The following FAT3 variants were observed in gnomAD, a reference collection of about 807,000 sequenced individuals.
FAT3 encodes the protein protocadherin Fat 3.
Under a neutral mutation model 310.2 loss-of-function variants are expected in FAT3, and 95 were observed. The observed-to-expected ratio is 0.31, with a 90% confidence interval of 0.26 to 0.36. FAT3 has a LOEUF of 0.36. FAT3 is among the 10% of genes least tolerant of loss of function. The pLI is 1.00. For synonymous variants in FAT3, 2,314 were observed against 2,192.9 expected, an observed-to-expected ratio of 1.06 and a Z score of -1.54; for missense variants, 5,408 against 5,715.6, an observed-to-expected ratio of 0.95 and a Z score of 1.74.
At chr11:92,677,783 A>G (rs1244458760) in intron 3 of FAT3, among the ~76,000 whole-genome samples, 1 of 152,192 alleles carries the variant, frequency 6.6e-6, no homozygotes, top group Non-Finnish European at 1.5e-5. Flanking sequence ...AAATAATTGG[A>G]CAAAACACAC....
chr11:92,602,612 T>C (rs1418781699), intron 3 of FAT3, among the ~76,000 whole-genome samples: 1 of 152,190 alleles, frequency 6.6e-6, no homozygotes, highest in Non-Finnish European at 1.5e-5. Flanking sequence ...GAAAGAATCT[T>C]TAGGGATACA....
intron 2 of FAT3, among the ~76,000 whole-genome samples, chr11:92,477,921 T>A (rs140937598): frequency 2.3e-4 from 35 of 152,274 alleles, no homozygotes; most frequent in African/African-American, 7.9e-4. Flanking sequence ...TAGGAAACTG[T>A]GTGCATGTTA....
intron 1 of FAT3, chr11:92,336,394 T>C (rs1037111892): frequency 5.8e-6 from 2 of 347,566 alleles, no homozygotes; most frequent in Non-Finnish European, 1.1e-5. Flanking sequence ...ACCACAGTCC[T>C]GGAGAAGCTG....
intron 2 of FAT3, among the ~76,000 whole-genome samples, chr11:92,389,130 T>G (rs2134802068): frequency 6.6e-6 from 1 of 152,282 alleles, no homozygotes; most frequent in African/African-American, 2.4e-5. Flanking sequence ...TTGATGTTAT[T>G]ATTAGCACCA....
At chr11:92,483,767 T>C (rs1417619484) in intron 2 of FAT3, among the ~76,000 whole-genome samples, 1 of 152,214 alleles carries the variant, frequency 6.6e-6, no homozygotes, top group Non-Finnish European at 1.5e-5. Context: ...TCAGATAACC[T>C]AGATCATTGC....
At chr11:92,438,612 A>C (rs1950999865) in intron 2 of FAT3, among the ~76,000 whole-genome samples, 1 of 152,212 alleles carries the variant, frequency 6.6e-6, no homozygotes, top group East Asian at 1.9e-4. Context: ...AATCAATTTC[A>C]TAATCGAAAC....
intron 3 of FAT3, among the ~76,000 whole-genome samples, chr11:92,551,413 T>TG (rs1954813582): frequency 3.5e-5 from 4 of 114,174 alleles, no homozygotes; most frequent in Admixed American, 1.1e-4. Context: ...TTTTTTTTGT[T>TG]TTGTGTGTGT....
intron 1 of FAT3, among the ~76,000 whole-genome samples, chr11:92,267,584 G>C (rs1565190294): frequency 6.6e-6 from 1 of 150,770 alleles, no homozygotes; most frequent in Admixed American, 6.6e-5. Flanking sequence ...AAAAAAAAAA[G>C]TGGTGGTGGG....
chr11:92,895,563 G>T lies in FAT3; in HGVS notation c.*4450G>T, dbSNP rs1950011337. On this transcript the variant is annotated 3_prime_UTR_variant, in exon 28 of 28. Coordinates refer to ENST00000525166, the MANE Select transcript of FAT3 (RefSeq NM_001367949.2). ...ATTTGGAGCGTGTTTGGACCAATTA[G>T]TATGTACTGTAGTACCCTTCTGGCA... 1 of 152,160 alleles carries T rather than the reference G, an allele frequency of 6.6e-6. No homozygotes were observed. The highest frequency in any genetic ancestry group is 2.4e-5 in the African/African-American group (1 of 41,428). The allele number at this position is 152,160 out of a possible 1,614,324, so 9.4% of individuals were successfully genotyped here.
chr11:92,303,643 G>A lies in FAT3; in HGVS notation c.-17-48453G>A, dbSNP rs569435468. ...TCTGGCCATAAAAATGAACTTAAGA[G>A]CAATAAATGTATTGTTGTAGCTTAA... On this transcript the variant is annotated intron_variant, in intron 1 of 27. Coordinates refer to ENST00000525166, the MANE Select transcript of FAT3 (RefSeq NM_001367949.2). 1.3e-4 allele frequency among the ~76,000 whole-genome samples: 20 copies of A among 152,224 alleles called. No homozygotes were observed. The South Asian group carries it at 3.9e-3, about 30-fold the overall frequency.
Position 92,891,253 on chromosome 11 carries a change from A to C in FAT3, c.*140A>C, listed in dbSNP as rs1338960656. 2 of 1,163,942 alleles carry C rather than the reference A, an allele frequency of 1.7e-6. No homozygotes were observed. Among genetic ancestry groups the C allele is most frequent in the African/African-American group, 3.1e-5 (2 of 64,800 alleles). 72.1% of individuals were successfully genotyped at this position (1,163,942 alleles called of 1,614,324 possible). ...TCCACTAGAAACTTCTTCACAAGTC[A>C]TACTGTCCCAACAAGCAAGCTTGAT... On this transcript the variant is annotated 3_prime_UTR_variant, in exon 28 of 28. Transcript: ENST00000525166.
intron 13 of FAT3, among the ~76,000 whole-genome samples, chr11:92,814,934 C>A (rs1947783035): frequency 1.3e-5 from 2 of 152,106 alleles, no homozygotes; most frequent in African/African-American, 4.8e-5. Flanking sequence ...GGTAGGAACA[C>A]ATTCAGGAAG....
intron 3 of FAT3, among the ~76,000 whole-genome samples, chr11:92,557,479 C>A (rs1349497036): frequency 6.6e-6 from 1 of 152,200 alleles, no homozygotes; most frequent in Non-Finnish European, 1.5e-5. Flanking sequence ...CATTGTATCG[C>A]CATGTCCCCA....
chr11:92,822,784 G>T (rs1274705952), intron 13 of FAT3, among the ~76,000 whole-genome samples: 1 of 152,134 alleles, frequency 6.6e-6, no homozygotes, highest in African/African-American at 2.4e-5. Flanking sequence ...ACTTGCAGTT[G>T]CCTCTGAAAA....
At chr11:92,271,600 C>T (rs1019892716) in intron 1 of FAT3, among the ~76,000 whole-genome samples, 1 of 152,110 alleles carries the variant, frequency 6.6e-6, no homozygotes, top group African/African-American at 2.4e-5. Context: ...CACTGTTATC[C>T]CTCCAGTGCC....
chr11:92,674,582 G>T (rs1426297133), intron 3 of FAT3, among the ~76,000 whole-genome samples: 2 of 151,784 alleles, frequency 1.3e-5, no homozygotes, highest in Non-Finnish European at 2.9e-5. Context: ...GAGTGCAGTG[G>T]CGTGACCAGA....
chr11:92,800,595 T>C lies in FAT3; in HGVS notation c.7582T>C (p.Tyr2528His). 1 of 1,613,766 alleles carries C rather than the reference T, an allele frequency of 6.2e-7. No individual in the cohort carries two copies. Among genetic ancestry groups the C allele is most frequent in the Non-Finnish European group, 8.5e-7 (1 of 1,179,814 alleles). ...AGCCACAGATGGTGATCCAGGGACT[T>C]ATGGGCAGATCAGCTATGCCATCAT... ...VRATDGDPGT[Y>H]GQISYAIIND... Residue 2528 changes from tyrosine (Y) to histidine (H), a missense_variant, in exon 10 of 28, where the codon TAT (tyrosine) becomes CAT (histidine). Tyr to His is a moderately conservative substitution (Grantham distance 83). Coordinates refer to ENST00000525166, the MANE Select transcript of FAT3 (RefSeq NM_001367949.2).
chr11:92,380,415 C>T (rs1949465471), intron 2 of FAT3, among the ~76,000 whole-genome samples: 2 of 152,140 alleles, frequency 1.3e-5, no homozygotes, highest in African/African-American at 2.4e-5. Flanking sequence ...TCAGCTTGAT[C>T]TGTCCATTGT....
At chr11:92,435,102 G>C (rs1332195615) in intron 2 of FAT3, among the ~76,000 whole-genome samples, 2 of 152,104 alleles carry the variant, frequency 1.3e-5, no homozygotes, top group Non-Finnish European at 2.9e-5. Flanking sequence ...CCCCCTTAAT[G>C]ACCTCCACCT....
Sources: gnomAD v4.1 joint callset for allele counts (sites outside exome capture counted in the v4.1 genomes callset) on GRCh38, gnomAD v4.1.1 for gene constraint, MANE v1.5 for transcripts, NCBI Gene and HGNC (gene_info 2026-07-23, HGNC 2026-07-21) for gene names.